TGM3: variants seen among roughly 807,000 people sequenced by gnomAD.
The protein encoded by TGM3 is transglutaminase 3.
Under a neutral mutation model 73.8 loss-of-function variants are expected in TGM3, and 52 were observed. The ratio of observed to expected loss-of-function variants is 0.70; its 90% CI spans 0.56 to 0.89. TGM3 has a LOEUF of 0.89. Among genes scored for constraint, TGM3 ranks in the 40% least tolerant of loss-of-function variants. The probability of loss-of-function intolerance (pLI) is 0.00; values close to 1 mark genes in which losing one functional copy is unlikely to be tolerated. For missense variants in TGM3, 928 were observed against 909.9 expected, an observed-to-expected ratio of 1.02 and a Z score of -0.26; for synonymous variants, 372 against 354.9, an observed-to-expected ratio of 1.05 and a Z score of -0.54.
intron 5 of TGM3, among the ~76,000 whole-genome samples, 189 bp downstream of exon 5, chr20:2,313,215 G>A (rs955000867): frequency 6.6e-6 from 1 of 152,192 alleles, no homozygotes; most frequent in African/African-American, 2.4e-5. Flanking sequence ...CTTGCCTGAG[G>A]CACACAGTGA....
chr20:2,329,885 T>C (rs1162057912), intron 9 of TGM3, among the ~76,000 whole-genome samples: 2 of 152,322 alleles, frequency 1.3e-5, no homozygotes, highest in East Asian at 3.9e-4. Flanking sequence ...AATTTGAACC[T>C]CTATAGCCTC....
intron 10 of TGM3, among the ~76,000 whole-genome samples, chr20:2,333,275 A>C (rs1175655477): frequency 5.9e-5 from 9 of 152,196 alleles, no homozygotes; most frequent in Non-Finnish European, 1.5e-5. Flanking sequence ...TCCCCTAGCA[A>C]TCTGTCTTCT....
Position 2,340,006 on chromosome 20 carries a change from T to A in TGM3, c.1934+19T>A, listed in dbSNP as rs1191148446. 3 of 401,058 alleles carry A rather than the reference T, an allele frequency of 7.5e-6. No individual in the cohort carries two copies. The highest frequency in any genetic ancestry group is 3.4e-5 in the African/African-American group (1 of 29,768). 24.8% of individuals were successfully genotyped at this position (401,058 alleles called of 1,614,324 possible). ...AGATCGAGTGAGTCCTGGGCCTAAG[T>A]GGCCGGTGCAGGAGGGCGGGAGGGG... is the stretch of plus-strand genomic sequence containing the variant. On this transcript the variant is annotated intron_variant, in intron 12 of 12. Coordinates refer to ENST00000381458, the MANE Select transcript of TGM3 (RefSeq NM_003245.4).
rs569134243 is a variant in TGM3, at chr20:2,332,847, T to G, written c.1642+537T>G. On this transcript the variant is annotated intron_variant, in intron 10 of 12. Transcript: ENST00000381458. The surrounding 1 kb of genome is among the most constrained non-coding windows in gnomAD (Gnocchi z 4.4). ...CCCACAACAAATCGCTTTTCAAATT[T>G]GACCTCAGGAGGGTGGCAATGACCA... Among the ~76,000 whole-genome samples the G allele has an allele frequency of 2.6e-5, 4 of 152,304 alleles. No individual in the cohort carries two copies. Among genetic ancestry groups the G allele is most frequent in the African/African-American group, 9.6e-5 (4 of 41,562 alleles).
rs2084128035 is a variant in TGM3, at chr20:2,299,134, AG to A, written c.7+3066del. Among the ~76,000 whole-genome samples, 3 of 152,234 alleles carry A rather than the reference AG, an allele frequency of 2.0e-5. No individual in the cohort carries two copies. In the South Asian group the frequency reaches 6.2e-4, roughly 32 times the overall value. Reference sequence around the variant, plus strand: ...CCTTACGAGAAGAGTGGTCTTGGGCAGGTCACTTAACTTGTGTGTCTCAGTT... The same window carrying A: ...CCTTACGAGAAGAGTGGTCTTGGGCAGTCACTTAACTTGTGTGTCTCAGTT... On this transcript the variant is annotated intron_variant, in intron 1 of 12. Coordinates refer to ENST00000381458, the MANE Select transcript of TGM3 (RefSeq NM_003245.4).
intron 5 of TGM3, among the ~76,000 whole-genome samples, chr20:2,313,842 A>G (rs1391325626): frequency 1.3e-5 from 2 of 152,034 alleles, no homozygotes; most frequent in African/African-American, 4.8e-5. Context: ...CAGCCTGGGT[A>G]ACGTAGTGAG....
rs80233553 is a variant in TGM3, at chr20:2,339,043, G to A, written c.1801-811G>A. ...CTGTTCTGATCACTGAGCAAGGACC[G>A]TGTGGTATTAGAGCTCCGCTCAGAC... On this transcript the variant is annotated intron_variant, in intron 11 of 12. Coordinates refer to ENST00000381458, the MANE Select transcript of TGM3 (RefSeq NM_003245.4). 2.2e-4 allele frequency among the ~76,000 whole-genome samples: 33 copies of A among 152,364 alleles called. 1 individual carries two copies. In the East Asian group the frequency reaches 5.6e-3, roughly 26 times the overall value.
intron 1 of TGM3, among the ~76,000 whole-genome samples, chr20:2,297,938 T>G (rs2084120060): frequency 6.6e-6 from 1 of 152,144 alleles, no homozygotes. Flanking sequence ...GTTATTAAGC[T>G]GCATGACAAA....
At chr20:2,297,233 G>T in intron 1 of TGM3, among the ~76,000 whole-genome samples, 1 of 152,184 alleles carries the variant, frequency 6.6e-6, no homozygotes, top group African/African-American at 2.4e-5. Flanking sequence ...TCTCAGCAGT[G>T]CCCTTTCCAC....
intron 9 of TGM3, among the ~76,000 whole-genome samples, chr20:2,331,162 G>A (rs1261620468): frequency 6.6e-6 from 1 of 152,088 alleles, no homozygotes; most frequent in Non-Finnish European, 1.5e-5. Flanking sequence ...GTGTACCTGT[G>A]TTCCTGGAAG....
intron 4 of TGM3, among the ~76,000 whole-genome samples, chr20:2,311,884 C>G (rs1185733628): frequency 2.6e-5 from 4 of 151,976 alleles, no homozygotes; most frequent in African/African-American, 9.7e-5. Context: ...GATCAGGAAC[C>G]TGAAGGAGAT....
chr20:2,297,536 C>A (rs374867388), intron 1 of TGM3, among the ~76,000 whole-genome samples: 1 of 152,188 alleles, frequency 6.6e-6, no homozygotes, highest in Non-Finnish European at 1.5e-5. Context: ...CAGGACCTCC[C>A]GTGGACTCTC....
intron 5 of TGM3, among the ~76,000 whole-genome samples, chr20:2,315,030 G>C (rs751275725): frequency 6.6e-6 from 1 of 152,304 alleles, no homozygotes; most frequent in Non-Finnish European, 1.5e-5. Flanking sequence ...CTTAGTAGCC[G>C]AGGGAGAGTA....
rs759655716 is a variant in TGM3, at chr20:2,310,385, C to A, written c.389C>A (p.Thr130Lys). ...QGGISSVKLG[T>K]FILLFNPWLN... Reference sequence around the variant, plus strand: ...GGCATCTCCTCTGTGAAACTTGGGACGTTCATACTGCTTTTTAACCCCTGG... The same window carrying A: ...GGCATCTCCTCTGTGAAACTTGGGAAGTTCATACTGCTTTTTAACCCCTGG... The change falls in exon 3 of 13, where the codon ACG becomes AAG. Residue 130 changes from threonine to lysine, a missense_variant. Transcript: ENST00000381458. 1.9e-6 allele frequency: 3 copies of A among 1,614,210 alleles called. No individual in the cohort carries two copies. Among genetic ancestry groups the A allele is most frequent in the Non-Finnish European group, 2.5e-6 (3 of 1,180,038 alleles).
At chr20:2,329,669 G>A (rs1600705792) in intron 9 of TGM3, among the ~76,000 whole-genome samples, 1 of 152,254 alleles carries the variant, frequency 6.6e-6, no homozygotes, top group South Asian at 2.1e-4. Flanking sequence ...CTCGGGGGCG[G>A]AAGGTGAACT....
rs771150987 is a variant in TGM3 at position 2,334,223 on chromosome 20, G to A, written c.1643-893G>A. On this transcript the variant is annotated intron_variant, in intron 10 of 12. Coordinates refer to ENST00000381458, the MANE Select transcript of TGM3 (RefSeq NM_003245.4). The surrounding 1 kb of genome is among the most constrained non-coding windows in gnomAD (Gnocchi z 4.0). ...ACCATGTGAGTCAAAATATGGGGGC[G>A]AAAAGGTGCCTGTTTTGTCTGCAGA... is the stretch of plus-strand genomic sequence containing the variant. Among the ~76,000 whole-genome samples, 7 of 152,180 alleles carry A rather than the reference G, an allele frequency of 4.6e-5. No individual in the cohort carries two copies. Among genetic ancestry groups the A allele is most frequent in the African/African-American group, 1.2e-4 (5 of 41,440 alleles).
chr20:2,331,007 A>C (rs2084317999), intron 9 of TGM3, among the ~76,000 whole-genome samples: 1 of 114,222 alleles, frequency 8.8e-6, no homozygotes, highest in Admixed American at 7.9e-5. Flanking sequence ...CCCTGTCACA[A>C]AAAAAAAAAA....
At chr20:2,330,249 G>A (rs867066447) in intron 9 of TGM3, among the ~76,000 whole-genome samples, 1 of 152,208 alleles carries the variant, frequency 6.6e-6, no homozygotes, top group South Asian at 2.1e-4. Context: ...AAAACAGCAG[G>A]AGGAAGCTTA....
intron 1 of TGM3, among the ~76,000 whole-genome samples, chr20:2,304,691 G>A (rs902081036): frequency 1.3e-5 from 2 of 152,158 alleles, no homozygotes; most frequent in Non-Finnish European, 2.9e-5. Context: ...CAAATGTGTG[G>A]GGTTTGTTCT....
Sources: gnomAD v4.1 joint callset for allele counts (sites outside exome capture counted in the v4.1 genomes callset) on GRCh38, gnomAD v4.1.1 for gene constraint, Gnocchi (gnomAD v3.1) non-coding constraint, MANE v1.5 for transcripts, NCBI Gene and HGNC (gene_info 2026-07-23, HGNC 2026-07-21) for gene names.